HIP1: variants seen among roughly 807,000 people sequenced by gnomAD.
The protein encoded by HIP1 is huntingtin-interacting protein 1.
HIP1 carries 65 observed loss-of-function variants against 147.6 expected under a neutral mutation model. The ratio of observed to expected loss-of-function variants is 0.44; its 90% CI spans 0.36 to 0.54. The LOEUF (loss-of-function observed/expected upper bound fraction) is 0.54. HIP1 is among the 20% of genes least tolerant of loss of function. The probability of loss-of-function intolerance (pLI) is 0.00; values close to 1 mark genes in which losing one functional copy is unlikely to be tolerated. For synonymous variants in HIP1, 479 were observed against 504.0 expected (o/e 0.95, Z 0.67); for missense variants, 1,061 against 1,299.6 (o/e 0.82, Z 2.82).
chr7:75,624,716 C>T (rs1365526423), intron 1 of HIP1, among the ~76,000 whole-genome samples: 2 of 152,150 alleles, frequency 1.3e-5, no homozygotes, highest in Non-Finnish European at 2.9e-5. Flanking sequence ...AGAATTCATT[C>T]CTGTCCTTCC....
intron 1 of HIP1, among the ~76,000 whole-genome samples, chr7:75,623,197 CAAAAAAAAAAAGCAAAAAA>C (rs1340087231): frequency 1.4e-4 from 7 of 51,640 alleles, no homozygotes; most frequent in Admixed American, 2.9e-4. Flanking sequence ...GACTCCATCT[CAAAAAAAAAAAGCAAAAAA>C]AAAAAAAAAA....
At chr7:75,573,380 A>G (rs1671921876) in intron 8 of HIP1, among the ~76,000 whole-genome samples, 1 of 152,088 alleles carries the variant, frequency 6.6e-6, no homozygotes, top group Non-Finnish European at 1.5e-5. Flanking sequence ...GTCTCCTCTG[A>G]GCTGTTCTAA....
chr7:75,545,176 G>C lies in HIP1; in HGVS notation c.2572C>G (p.Pro858Ala), dbSNP rs1794504712. The C allele has an allele frequency of 1.9e-6, 3 of 1,606,908 alleles. No homozygotes were observed. The highest frequency in any genetic ancestry group is 2.6e-6 in the Non-Finnish European group (3 of 1,174,686). Residue 858 changes from proline (P) to alanine (A), a missense_variant, in exon 26 of 31, where the codon CCT becomes GCT. Pro to Ala is a conservative substitution (Grantham distance 27). Around this residue, in one of 3 missense-constraint regions of HIP1, gnomAD observed 810 missense variants for 946.8 expected, o/e 0.86. Coordinates refer to ENST00000336926, the MANE Select transcript of HIP1 (RefSeq NM_005338.7). ...GAGTTCTTGGCATAAAACTCTTTAG[G>C]GGATGCTGTACCCTAGGGAAATAAA... ...IVESGRGTAS[P>A]KEFYAKNSRW...
In HIP1 at chr7:75,568,317, C is replaced by T. The variant is rs367584721; in HGVS notation, c.746-61G>A. 3.2e-5 allele frequency: 36 copies of T among 1,136,638 alleles called. No homozygotes were observed. Among genetic ancestry groups the T allele is most frequent in the African/African-American group, 6.1e-5 (4 of 65,424 alleles). 70.4% of individuals were successfully genotyped at this position (1,136,638 alleles called of 1,614,324 possible). Reference sequence around the variant, plus strand: ...GGACCAGAGGGCAGGGAAGCCACAGCGGGGCTCTCGAGGGGGAGGGGCCCA... The same window carrying T: ...GGACCAGAGGGCAGGGAAGCCACAGTGGGGCTCTCGAGGGGGAGGGGCCCA... On this transcript the variant is annotated intron_variant, in intron 8 of 30. Transcript: ENST00000336926. This position sits in a 1 kb window ranked among gnomAD's most constrained non-coding sequence, Gnocchi z 4.1.
Position 75,600,761 on chromosome 7 carries a change from A to ATTG in HIP1, c.121-1515_121-1514insCAA, listed in dbSNP as rs587687633. Among the ~76,000 whole-genome samples, 38 of 152,114 alleles carry ATTG rather than the reference A, an allele frequency of 2.5e-4. 1 individual carries two copies. In the South Asian group the frequency reaches 7.9e-3, roughly 32 times the overall value. On this transcript the variant is annotated intron_variant, in intron 1 of 30. Transcript: ENST00000336926. ...AAAAACTCTAGTTTTTATTATTATT[A>ATTG]TTATTATTTTTCGTCCTGAGACAGG...
At chr7:75,722,095 G>A (rs145780169) in intron 1 of HIP1, among the ~76,000 whole-genome samples, 32 of 152,284 alleles carry the variant, frequency 2.1e-4, no homozygotes, top group African/African-American at 7.5e-4. Context: ...CTTGAGGCCA[G>A]GAGTTCAAGA....
At chr7:75,691,120 T>C (rs1554518102) in intron 1 of HIP1, among the ~76,000 whole-genome samples, 1 of 152,192 alleles carries the variant, frequency 6.6e-6, no homozygotes. Context: ...CCAGTGTGGA[T>C]GAGCCTTGAA....
At chr7:75,547,658 G>T (rs1433574390) in intron 24 of HIP1, 97 bp downstream of exon 24, 3 of 988,430 alleles carry the variant, frequency 3.0e-6, no homozygotes, top group Non-Finnish European at 3.3e-6. Context: ...GGCTGCTACT[G>T]CTCTCCTCTA....
intron 9 of HIP1, among the ~76,000 whole-genome samples, chr7:75,565,717 G>A (rs782297151): frequency 6.1e-5 from 9 of 148,294 alleles, no homozygotes; most frequent in East Asian, 2.0e-4. Flanking sequence ...GCCTGGTTTC[G>A]CCTCCCCTCC....
chr7:75,640,714 C>T (rs1385269960), intron 1 of HIP1, among the ~76,000 whole-genome samples: 10 of 151,386 alleles, frequency 6.6e-5, no homozygotes, highest in Non-Finnish European at 1.5e-4. Flanking sequence ...GATCACACCA[C>T]TGTGCTCCAG....
chr7:75,624,016 C>T (rs7793389), intron 1 of HIP1, among the ~76,000 whole-genome samples: 30,022 of 152,136 alleles, frequency 0.2, 3,732 homozygotes, highest in Non-Finnish European at 0.28. Flanking sequence ...TGAAGGTCAA[C>T]GCTGCAGTGA....
intron 1 of HIP1, among the ~76,000 whole-genome samples, chr7:75,713,630 G>C (rs1801223143): frequency 6.6e-6 from 1 of 152,070 alleles, no homozygotes; most frequent in East Asian, 1.9e-4. Context: ...AGAGTCCCCA[G>C]GGATGAAAGG....
intron 23 of HIP1, among the ~76,000 whole-genome samples, chr7:75,548,607 G>A (rs1794662397): frequency 2.0e-5 from 3 of 151,936 alleles, no homozygotes; most frequent in Non-Finnish European, 1.5e-5. Flanking sequence ...CTCTGGAGTA[G>A]CTGGGACTAT....
chr7:75,571,076 C>A (rs1338620235), intron 8 of HIP1, among the ~76,000 whole-genome samples: 1 of 151,990 alleles, frequency 6.6e-6, no homozygotes, highest in Non-Finnish European at 1.5e-5. Flanking sequence ...CCCTCCTACC[C>A]CTTCCTCAGC....
chr7:75,616,092 A>T (rs1429174717), intron 1 of HIP1, among the ~76,000 whole-genome samples: 6 of 149,544 alleles, frequency 4.0e-5, no homozygotes, highest in Non-Finnish European at 7.4e-5. Flanking sequence ...TCTCAAAAAA[A>T]AAAAAAAAAA....
In HIP1 at chr7:75,655,743, G is replaced by A. The variant is rs543179922; in HGVS notation, c.121-56496C>T. 1.2e-4 allele frequency among the ~76,000 whole-genome samples: 19 copies of A among 152,228 alleles called. No homozygotes were observed. In the East Asian group the frequency reaches 2.3e-3, roughly 19 times the overall value. On this transcript the variant is annotated intron_variant, in intron 1 of 30. Coordinates refer to ENST00000336926, the MANE Select transcript of HIP1 (RefSeq NM_005338.7). ...TATTAGTGAGTAAGAGTTTCTGTTC[G>A]GGGTGATGAAATATTATGGAAATAG...
At chr7:75,665,622 C>T (rs572162574) in intron 1 of HIP1, among the ~76,000 whole-genome samples, 1 of 152,134 alleles carries the variant, frequency 6.6e-6, no homozygotes, top group South Asian at 2.1e-4. Context: ...TTACTGCAAC[C>T]TCCACCTCCT....
chr7:75,572,266 A>T (rs1795669262), intron 8 of HIP1, among the ~76,000 whole-genome samples: 3 of 151,854 alleles, frequency 2.0e-5, no homozygotes, highest in Non-Finnish European at 4.4e-5. Context: ...CTGTAAGACC[A>T]GAACTTCCAA....
chr7:75,602,221 G>A (rs1433049930), intron 1 of HIP1, among the ~76,000 whole-genome samples: 4 of 148,480 alleles, frequency 2.7e-5, no homozygotes, highest in Non-Finnish European at 3.0e-5. Flanking sequence ...TCCTGGTCTC[G>A]AACTCCTGAC....
Sources: gnomAD v4.1 joint callset for allele counts (sites outside exome capture counted in the v4.1 genomes callset) on GRCh38, gnomAD v4.1.1 for gene constraint, gnomAD v4.1.1 regional missense constraint, Gnocchi (gnomAD v3.1) non-coding constraint, MANE v1.5 for transcripts, NCBI Gene and HGNC (gene_info 2026-07-23, HGNC 2026-07-21) for gene names.